The following ZG16B variants were observed in gnomAD, a reference collection of about 807,000 sequenced individuals.
The protein encoded by ZG16B is zymogen granule protein 16B.
In ZG16B, 8 loss-of-function variants were observed where a neutral mutation model predicts 7.0. The ratio of observed to expected loss-of-function variants is 1.15; its 90% CI spans 0.68 to 2.08. ZG16B has a LOEUF of 2.08. Ranked by LOEUF, ZG16B falls within the 30% of genes most tolerant of loss-of-function variation. The pLI, the probability that ZG16B is intolerant of heterozygous loss-of-function variation, is 0.00. For synonymous variants in ZG16B, 92 were observed against 86.1 expected, an observed-to-expected ratio of 1.07 and a Z score of -0.38; for missense variants, 232 against 211.0, an observed-to-expected ratio of 1.10 and a Z score of -0.62.
In ZG16B at chr16:2,831,988, C is replaced by T; in HGVS notation, c.348C>T (p.Ile116=). ...ATTTTGGGAAGCTTGATGGCCAGAT[C>T]TCCTCTGCCTACCCCAGCCAAGAGG... is the stretch of plus-strand genomic sequence containing the variant. ...YFYFGKLDGQ[I]SSAYPSQEGQ... Residue 116 remains isoleucine, a synonymous_variant, in exon 4 of 4, where the codon ATC becomes ATT. Coordinates refer to ENST00000382280, the MANE Select transcript of ZG16B (RefSeq NM_145252.3). 2 of 1,614,194 alleles carry T rather than the reference C, an allele frequency of 1.2e-6. No homozygotes were observed. The highest frequency in any genetic ancestry group is 1.7e-6 in the Non-Finnish European group (2 of 1,180,042).
chr16:2,832,013 G>A lies in ZG16B; in HGVS notation c.373G>A (p.Gly125Arg). Residue 125 changes from glycine (G) to arginine (R), a missense_variant, in exon 4 of 4, where the codon GGG becomes AGG. Gly to Arg is a moderately radical substitution (Grantham distance 125). Coordinates refer to ENST00000382280, the MANE Select transcript of ZG16B (RefSeq NM_145252.3). ...CTCCTCTGCCTACCCCAGCCAAGAG[G>A]GGCAGGTGCTGGTGGGCATCTATGG... ...QISSAYPSQE[G>R]QVLVGIYGQY... 6.2e-7 allele frequency: 1 copy of A among 1,614,176 alleles called. No homozygotes were observed. The highest frequency in any genetic ancestry group is 1.1e-5 in the South Asian group (1 of 91,082).
chr16:2,830,907 G>A, intron 3 of ZG16B, 111 bp downstream of exon 3: 9 of 1,072,864 alleles, frequency 8.4e-6, no homozygotes, highest in Non-Finnish European at 1.3e-5. Flanking sequence ...ACACATGCCT[G>A]GCTACTGTCG....
intron 2 of ZG16B, 98 bp from the exon 3 acceptor site, chr16:2,830,596 C>A (rs901914295): frequency 1.3e-6 from 2 of 1,585,200 alleles, no homozygotes; most frequent in Admixed American, 1.7e-5. Flanking sequence ...CAGAACCATC[C>A]TGTCTGCCTG....
At chr16:2,831,480 G>A (rs1463751999) in intron 3 of ZG16B, among the ~76,000 whole-genome samples, 1 of 152,232 alleles carries the variant, frequency 6.6e-6, no homozygotes, top group Non-Finnish European at 1.5e-5. Flanking sequence ...AGTGACGGCA[G>A]CTGGTGCCTT....
chr16:2,831,794 A>C lies in ZG16B; in HGVS notation c.156-2A>C. Reference sequence around the variant, plus strand: ...ACGTCCAAAGCTTTGCCTCTCTCCCAGTGTCCAGGTGAAACTTGGAGACTC... The same window carrying C: ...ACGTCCAAAGCTTTGCCTCTCTCCCCGTGTCCAGGTGAAACTTGGAGACTC... On this transcript the variant is annotated splice_acceptor_variant, in intron 3 of 3. Coordinates refer to ENST00000382280, the MANE Select transcript of ZG16B (RefSeq NM_145252.3). LOFTEE classifies it high-confidence loss of function. 6.2e-7 allele frequency: 1 copy of C among 1,608,894 alleles called. No homozygotes were observed. The highest frequency in any genetic ancestry group is 8.5e-7 in the Non-Finnish European group (1 of 1,176,816).
At position 2,832,063 on chromosome 16, in the gene ZG16B, G is replaced by C. The variant is rs1375319087; in HGVS notation, c.423G>C (p.Lys141Asn). ...GCCAGTATCAACTCCTTGGCATCAAGAGCATTGGCTTTGAATGGAATTATC... is the reference window on the plus strand; with the variant it reads ...GCCAGTATCAACTCCTTGGCATCAACAGCATTGGCTTTGAATGGAATTATC... ...IYGQYQLLGI[K>N]SIGFEWNYPL... The change falls in exon 4 of 4, where the codon AAG becomes AAC. Residue 141 changes from lysine to asparagine, a missense_variant. Coordinates refer to ENST00000382280, the MANE Select transcript of ZG16B (RefSeq NM_145252.3). The C allele has an allele frequency of 1.9e-6, 3 of 1,614,060 alleles. No homozygotes were observed. Among genetic ancestry groups the C allele is most frequent in the Non-Finnish European group, 2.5e-6 (3 of 1,180,048 alleles).
In ZG16B at chr16:2,831,883, A is replaced by C; in HGVS notation, c.243A>C (p.Glu81Asp). The C allele has an allele frequency of 6.2e-7, 1 of 1,614,152 alleles. No homozygotes were observed. The highest frequency in any genetic ancestry group is 1.1e-5 in the South Asian group (1 of 91,072). ...NTQEVTLQPGEYITKVFVAFQ... is the reference protein window; with the variant it reads ...NTQEVTLQPGDYITKVFVAFQ... ...AGGAAGTCACCCTGCAGCCAGGCGA[A>C]TACATCACAAAAGTCTTTGTCGCCT... Residue 81 changes from glutamate (E) to aspartate (D), a missense_variant, in exon 4 of 4, where the codon GAA (glutamate) becomes GAC (aspartate). Physicochemically the swap from Glu to Asp is conservative, Grantham distance 45. Coordinates refer to ENST00000382280, the MANE Select transcript of ZG16B (RefSeq NM_145252.3).
At chr16:2,831,069 A>C (rs1014069366) in intron 3 of ZG16B, 5 of 411,918 alleles carry the variant, frequency 1.2e-5, no homozygotes, top group African/African-American at 8.1e-5. Flanking sequence ...AGTCTGTCCG[A>C]TTACTGTCAA....
In ZG16B at chr16:2,830,440, C is replaced by T. The variant is rs1283635213; in HGVS notation, c.-2C>T. The T allele has an allele frequency of 6.2e-7, 1 of 1,604,344 alleles. No individual in the cohort carries two copies. The highest frequency in any genetic ancestry group is 2.3e-5 in the East Asian group (1 of 44,340). On this transcript the variant is annotated 5_prime_UTR_variant, in exon 2 of 4. Transcript: ENST00000382280. ...AGCCCTGGGATGCACCGGCCAGAGG[C>T]CATGCTGCTGCTGCTCACGCTTGCC...
At position 2,831,889 on chromosome 16, in the gene ZG16B, C is replaced by A; in HGVS notation, c.249C>A (p.Ile83=). Residue 83 remains isoleucine (I), a synonymous_variant, in exon 4 of 4, where the codon ATC becomes ATA. Transcript: ENST00000382280. The stretch of plus-strand genomic sequence containing the variant: ...TCACCCTGCAGCCAGGCGAATACAT[C>A]ACAAAAGTCTTTGTCGCCTTCCAAG... ...QEVTLQPGEY[I]TKVFVAFQAF... 1.2e-6 allele frequency: 2 copies of A among 1,614,178 alleles called. No homozygotes were observed. The highest frequency in any genetic ancestry group is 1.7e-6 in the Non-Finnish European group (2 of 1,180,038).
chr16:2,830,778 GTCT>G lies in ZG16B; in HGVS notation c.141_143del (p.Leu49del). Reference sequence around the variant, plus strand: ...ATCACAGGGCTGCGGGTGTCTGTAGGTCTTCTCCTGGTGAAAAGGTGAGTAGGG... The same window carrying G: ...ATCACAGGGCTGCGGGTGTCTGTAGGTCTCCTGGTGAAAAGGTGAGTAGGG... On this transcript the variant is annotated inframe_deletion, in exon 3 of 4. Coordinates refer to ENST00000382280, the MANE Select transcript of ZG16B (RefSeq NM_145252.3). 1.2e-6 allele frequency: 2 copies of G among 1,614,094 alleles called. No homozygotes were observed. The highest frequency in any genetic ancestry group is 2.2e-5 in the East Asian group (1 of 44,888).
In ZG16B at chr16:2,832,087, T is replaced by C; in HGVS notation, c.447T>C (p.Tyr149=). The C allele has an allele frequency of 4.3e-6, 7 of 1,614,092 alleles. No individual in the cohort carries two copies. The highest frequency in any genetic ancestry group is 5.9e-6 in the Non-Finnish European group (7 of 1,180,036). Residue 149 remains tyrosine, a synonymous_variant, in exon 4 of 4, where the codon TAT becomes TAC. Transcript: ENST00000382280. ...GIKSIGFEWN[Y]PLEEPTTEPP... ...AGAGCATTGGCTTTGAATGGAATTA[T>C]CCACTAGAGGAGCCGACCACTGAGC... is the stretch of plus-strand genomic sequence containing the variant.
Position 2,830,447 on chromosome 16 carries a change from G to A in ZG16B, c.6G>A (p.Leu2=). The A allele has an allele frequency of 6.2e-7, 1 of 1,604,118 alleles. No individual in the cohort carries two copies. Among genetic ancestry groups the A allele is most frequent in the East Asian group, 2.3e-5 (1 of 44,340 alleles). M[L]LLLTLALLGG... ...GGATGCACCGGCCAGAGGCCATGCT[G>A]CTGCTGCTCACGCTTGCCCTCCTGG... The change falls in exon 2 of 4, where the codon CTG becomes CTA. Residue 2 remains leucine, a synonymous_variant. Transcript: ENST00000382280.
chr16:2,830,413 AGAG>A lies in ZG16B; in HGVS notation c.-27-1_-26del, dbSNP rs766523802. On this transcript the variant is annotated splice_acceptor_variant and 5_prime_UTR_variant, in exon 2 of 4. Transcript: ENST00000382280. LOFTEE classifies it low-confidence loss of function (5UTR_SPLICE). ...GTCAGGAGGCCTCTCTTCTTCCCAC[AGAG>A]CCCTGGGATGCACCGGCCAGAGGCC... The A allele has an allele frequency of 6.2e-7, 1 of 1,604,004 alleles. No homozygotes were observed. The highest frequency in any genetic ancestry group is 1.1e-5 in the South Asian group (1 of 89,692).
At chr16:2,831,441 C>T (rs1263431176) in intron 3 of ZG16B, among the ~76,000 whole-genome samples, 2 of 152,166 alleles carry the variant, frequency 1.3e-5, no homozygotes, top group Non-Finnish European at 2.9e-5. Context: ...GGTCCAGGCT[C>T]GGCCAGAGGC....
chr16:2,831,940 C>T lies in ZG16B; in HGVS notation c.300C>T (p.Tyr100=), dbSNP rs377380417. ...FQAFLRGMVM[Y]TSKDRYFYFG... ...CTTTCCTCCGGGGTATGGTCATGTA[C>T]ACCAGCAAGGACCGCTATTTCTATT... Residue 100 remains tyrosine (Y), a synonymous_variant, in exon 4 of 4, where the codon TAC becomes TAT. Coordinates refer to ENST00000382280, the MANE Select transcript of ZG16B (RefSeq NM_145252.3). 3.9e-5 allele frequency: 63 copies of T among 1,614,006 alleles called. No individual in the cohort carries two copies. The African/African-American group carries it at 7.7e-4, about 20-fold the overall frequency.
chr16:2,830,614 G>C, intron 2 of ZG16B, 80 bp from the exon 3 acceptor site: 2 of 1,593,784 alleles, frequency 1.3e-6, no homozygotes, highest in Non-Finnish European at 1.7e-6. Context: ...CTGGAGGGGT[G>C]GGGTCCCCTG....
chr16:2,832,254 C>G lies in ZG16B; in HGVS notation c.*95C>G. On this transcript the variant is annotated 3_prime_UTR_variant, in exon 4 of 4. Coordinates refer to ENST00000382280, the MANE Select transcript of ZG16B (RefSeq NM_145252.3). ...GTCGGGACGCTGAATCTGAATCCAC[C>G]AATAAATAAAGGTTCTGCAGAATCA... The G allele has an allele frequency of 6.6e-7, 1 of 1,507,856 alleles. No homozygotes were observed. The highest frequency in any genetic ancestry group is 2.3e-5 in the East Asian group (1 of 44,028). 93.4% of individuals were successfully genotyped at this position (1,507,856 alleles called of 1,614,324 possible).
rs1255464626 is a variant in ZG16B at position 2,832,118 on chromosome 16, G to A, written c.478G>A (p.Val160Ile). 1.9e-6 allele frequency: 3 copies of A among 1,613,986 alleles called. No individual in the cohort carries two copies. Among genetic ancestry groups the A allele is most frequent in the Non-Finnish European group, 2.5e-6 (3 of 1,180,002 alleles). ...AGAGGAGCCGACCACTGAGCCACCA[G>A]TTAATCTCACATACTCAGCAAACTC... The part of the protein sequence containing the change: ...PLEEPTTEPP[V>I]NLTYSANSPV... The change falls in exon 4 of 4, where the codon GTT becomes ATT. Residue 160 changes from valine to isoleucine, a missense_variant. Transcript: ENST00000382280.
Sources: gnomAD v4.1 joint callset for allele counts (sites outside exome capture counted in the v4.1 genomes callset) on GRCh38, gnomAD v4.1.1 for gene constraint, MANE v1.5 for transcripts, NCBI Gene and HGNC (gene_info 2026-07-23, HGNC 2026-07-21) for gene names.